The following SLC1A7 variants were observed in gnomAD, a reference collection of about 807,000 sequenced individuals.
The protein encoded by SLC1A7 is solute carrier family 1 member 7.
SLC1A7 carries 40 observed loss-of-function variants against 47.7 expected under a neutral mutation model. The observed-to-expected ratio is 0.84, with a 90% CI of 0.65 to 1.09. The LOEUF (loss-of-function observed/expected upper bound fraction) is 1.09, where lower values mean the gene tolerates loss of function less well. Among genes scored for constraint, SLC1A7 ranks in the 50% least tolerant of loss-of-function variants. The pLI is 0.00. For synonymous variants in SLC1A7, 323 were observed against 325.6 expected (o/e 0.99, Z 0.09); for missense variants, 746 against 769.5 (o/e 0.97, Z 0.36).
chr1:53,087,956 T>G lies in SLC1A7; in HGVS notation c.*53A>C. ...CAGGAGGGTTGGAGAGTCGAGTTCC[T>G]GCCTCAGGACCCTGCCCCTGGAGGC... On this transcript the variant is annotated 3_prime_UTR_variant, in exon 11 of 11. Coordinates refer to ENST00000371494, the MANE Select transcript of SLC1A7 (RefSeq NM_006671.6). The G allele has an allele frequency of 8.6e-7, 1 of 1,164,788 alleles. No individual in the cohort carries two copies. 72.2% of individuals were successfully genotyped at this position (1,164,788 alleles called of 1,614,324 possible). A position where few individuals can be genotyped will look rare whatever the true frequency, so the allele number is the denominator to read the frequency against.
intron 2 of SLC1A7, among the ~76,000 whole-genome samples, chr1:53,133,412 T>C (rs1441108945): frequency 6.6e-6 from 1 of 152,156 alleles, no homozygotes; most frequent in Non-Finnish European, 1.5e-5. Context: ...AAAGCGCCCT[T>C]GGCCTGGGGA....
Position 53,090,746 on chromosome 1 carries a change from G to A in SLC1A7, c.1092C>T (p.Arg364=), listed in dbSNP as rs1454086245. ...CLLENNHIDR[R]IARFVLPVGA... ...CCACGGGCAGCACGAAGCGAGCGAT[G>A]CGCCGGTCGATGTGGTTGTTCTCCA... Residue 364 remains arginine, a synonymous_variant, in exon 8 of 11, where the codon CGC becomes CGT. Transcript: ENST00000371494. 1 of 1,613,736 alleles carries A rather than the reference G, an allele frequency of 6.2e-7. No individual in the cohort carries two copies. The highest frequency in any genetic ancestry group is 8.5e-7 in the Non-Finnish European group (1 of 1,179,908).
At position 53,114,781 on chromosome 1, in the gene SLC1A7, G is replaced by A. The variant is rs758167472; in HGVS notation, c.408C>T (p.Ala136=). 5 of 1,614,058 alleles carry A rather than the reference G, an allele frequency of 3.1e-6. 1 individual carries two copies. Among genetic ancestry groups the A allele is most frequent in the South Asian group, 2.2e-5 (2 of 91,062 alleles). ...EQSGKPIMSS[A]DALLDLIRNM... is the part of the protein sequence containing the mutation. Reference sequence around the variant, plus strand: ...ACCGGATGAGGTCCAACAGGGCATCGGCTGAGCTCATGATGGGCTTCCCAC... The same window carrying A: ...ACCGGATGAGGTCCAACAGGGCATCAGCTGAGCTCATGATGGGCTTCCCAC... Residue 136 remains alanine, a synonymous_variant, in exon 3 of 11, where the codon GCC becomes GCT. Coordinates refer to ENST00000371494, the MANE Select transcript of SLC1A7 (RefSeq NM_006671.6).
rs71044456 is a variant in SLC1A7, at chr1:53,136,151, C to CTA, written c.136-1724_136-1723dup. Among the ~76,000 whole-genome samples, 14 of 133,680 alleles carry CTA rather than the reference C, an allele frequency of 1.0e-4. 1 individual carries two copies. The highest frequency in any genetic ancestry group is 7.1e-4 in the South Asian group (3 of 4,212). The allele number at this position is 133,680 out of a possible 152,430, so 87.7% of individuals were successfully genotyped here. ...ATGCCCATCATGACTCTCTCTCTCTCTATATATATATATATAAAATAATAT... is the reference window on the plus strand; with the variant it reads ...ATGCCCATCATGACTCTCTCTCTCTCTATATATATATATATATAAAATAATAT... On this transcript the variant is annotated intron_variant, in intron 1 of 10. Transcript: ENST00000371494.
intron 5 of SLC1A7, among the ~76,000 whole-genome samples, chr1:53,095,937 C>T (rs1644483354): frequency 6.7e-6 from 1 of 149,498 alleles, no homozygotes; most frequent in Non-Finnish European, 1.5e-5. Flanking sequence ...ACACAAACTG[C>T]CTTGGTACAG....
chr1:53,096,131 G>A lies in SLC1A7; in HGVS notation c.698-2571C>T, dbSNP rs570827700. On this transcript the variant is annotated intron_variant, in intron 5 of 10. Transcript: ENST00000371494. ...CATTACACTCACACACCCCACCTCA[G>A]TACATTCACCCCGCCTTGGTACACT... is the stretch of plus-strand genomic sequence containing the variant. Among the ~76,000 whole-genome samples the A allele has an allele frequency of 3.7e-5, 5 of 134,282 alleles. No individual in the cohort carries two copies. In the East Asian group the frequency reaches 9.1e-4, roughly 25 times the overall value. 88.1% of individuals were successfully genotyped at this position (134,282 alleles called of 152,430 possible).
At chr1:53,109,154 C>T (rs1036908791) in intron 3 of SLC1A7, among the ~76,000 whole-genome samples, 1 of 152,130 alleles carries the variant, frequency 6.6e-6, no homozygotes, top group Admixed American at 6.5e-5. Flanking sequence ...CCCTCTTCAC[C>T]TGCTACTTGC....
chr1:53,104,847 T>G (rs945970150), intron 4 of SLC1A7, among the ~76,000 whole-genome samples: 12 of 152,192 alleles, frequency 7.9e-5, no homozygotes, highest in Non-Finnish European at 1.2e-4. Flanking sequence ...GAAAAAGAAT[T>G]GGAAATTATT....
chr1:53,138,977 C>T (rs754502294), intron 1 of SLC1A7, among the ~76,000 whole-genome samples: 5 of 152,176 alleles, frequency 3.3e-5, no homozygotes, highest in African/African-American at 4.8e-5. Flanking sequence ...TTCTCCTCCC[C>T]GCCTTGTCTC....
At chr1:53,092,533 C>T (rs375788123) in intron 7 of SLC1A7, 21 bp downstream of exon 7, 31 of 1,573,076 alleles carry the variant, frequency 2.0e-5, no homozygotes, top group African/African-American at 2.7e-5. Context: ...TCCCCACCGT[C>T]CTGCCCGTCC....
intron 2 of SLC1A7, chr1:53,115,859 G>A (rs901055416): frequency 3.3e-5 from 5 of 152,366 alleles, no homozygotes; most frequent in African/African-American, 1.2e-4. Flanking sequence ...CAGCCCCAGA[G>A]TACTGGCGTC....
intron 1 of SLC1A7, 134 bp from the exon 2 acceptor site, chr1:53,134,563 G>T (rs1381602658): frequency 5.5e-6 from 3 of 541,268 alleles, no homozygotes; most frequent in Non-Finnish European, 9.8e-6. Flanking sequence ...CATGGAGAAA[G>T]AACTGGCTTT....
chr1:53,090,518 G>A (rs1221088830), intron 8 of SLC1A7, 94 bp downstream of exon 8: 13 of 1,438,912 alleles, frequency 9.0e-6, no homozygotes, highest in South Asian at 3.0e-5. Flanking sequence ...GCCCAGGCTC[G>A]CTCGCTTCAG....
At chr1:53,089,694 C>G in intron 9 of SLC1A7, 106 bp downstream of exon 9, 1 of 1,258,034 alleles carries the variant, frequency 7.9e-7, no homozygotes, top group South Asian at 1.4e-5. Flanking sequence ...GGGGCAGTCC[C>G]CAGCCTTCTA....
Position 53,090,826 on chromosome 1 carries a change from T to A in SLC1A7, c.1032-20A>T. 6.3e-7 allele frequency: 1 copy of A among 1,593,954 alleles called. No individual in the cohort carries two copies. Among genetic ancestry groups the A allele is most frequent in the Admixed American group, 1.8e-5 (1 of 56,778 alleles). The stretch of plus-strand genomic sequence containing the variant: ...GCTGAGCTACGGTTAGAGGGGCCGG[T>A]GTCTGCCCAGCACCCTCCTCCAGGA... On this transcript the variant is annotated intron_variant, in intron 7 of 10. Coordinates refer to ENST00000371494, the MANE Select transcript of SLC1A7 (RefSeq NM_006671.6).
At chr1:53,108,892 T>C (rs555882498) in intron 3 of SLC1A7, among the ~76,000 whole-genome samples, 2 of 152,350 alleles carry the variant, frequency 1.3e-5, no homozygotes, top group South Asian at 4.1e-4. Flanking sequence ...CCAATGAATT[T>C]ATCCTGCAGA....
intron 6 of SLC1A7, among the ~76,000 whole-genome samples, chr1:53,093,093 C>T (rs1163050396): frequency 2.0e-5 from 3 of 152,252 alleles, no homozygotes; most frequent in South Asian, 2.1e-4. Context: ...CTGCGTTCCC[C>T]ACTGAGCTCC....
chr1:53,108,625 T>C (rs777162134), intron 3 of SLC1A7: 2 of 717,786 alleles, frequency 2.8e-6, no homozygotes, highest in African/African-American at 3.5e-5. Context: ...TCCAACTTTC[T>C]TCTTTCTGCC....
intron 3 of SLC1A7, chr1:53,107,873 A>G (rs1475764522): frequency 6.6e-6 from 1 of 152,288 alleles, no homozygotes; most frequent in African/African-American, 2.4e-5. Flanking sequence ...AAAACGATGG[A>G]AAGATACTAC....
Sources: allele counts gnomAD v4.1 joint callset (sites outside exome capture counted in the v4.1 genomes callset), GRCh38; gene constraint gnomAD v4.1.1; transcripts MANE v1.5; gene names NCBI Gene and HGNC (gene_info 2026-07-23, HGNC 2026-07-21).